The following SLC44A5 variants were observed in gnomAD, a reference collection of about 807,000 sequenced individuals.
The protein encoded by SLC44A5 is choline transporter-like protein 5.
Under a neutral mutation model 101.8 loss-of-function variants are expected in SLC44A5, and 57 were observed. The ratio of observed to expected loss-of-function variants is 0.56; its 90% CI spans 0.45 to 0.70. The LOEUF is 0.70. Ranked by LOEUF, SLC44A5 falls within the 30% of genes least tolerant of loss-of-function variation. SLC44A5 has a pLI of 0.00. For missense variants in SLC44A5, 737 were observed against 853.1 expected (o/e 0.86, Z 1.70); for synonymous variants, 281 against 290.9 (o/e 0.97, Z 0.35).
At chr1:75,647,049 A>G in the SLC44A5 span, among the ~76,000 whole-genome samples, 2 of 152,236 alleles carry the variant, frequency 1.3e-5, no homozygotes, top group African/African-American at 4.8e-5. Context: ...GGCATGTCAG[A>G]GGTCTTCACA....
chr1:75,246,375 A>T (rs556290828), intron 7 of SLC44A5, among the ~76,000 whole-genome samples: 100 of 152,204 alleles, frequency 6.6e-4, no homozygotes, highest in African/African-American at 2.4e-3. Flanking sequence ...AACTAGAAGT[A>T]GGAAGATATT....
At chr1:75,232,547 C>T (rs1557554161) in intron 12 of SLC44A5, among the ~76,000 whole-genome samples, 1 of 152,048 alleles carries the variant, frequency 6.6e-6, no homozygotes, top group Non-Finnish European at 1.5e-5. Flanking sequence ...CAATAAGAAG[C>T]TCAGGTGGGA....
intron 6 of SLC44A5, among the ~76,000 whole-genome samples, chr1:75,267,099 C>A (rs1570518865): frequency 6.6e-6 from 1 of 152,154 alleles, no homozygotes; most frequent in Non-Finnish European, 1.5e-5. Context: ...CTTATTTGCT[C>A]TAGTATATTG....
chr1:75,664,150 A>T, the SLC44A5 span, among the ~76,000 whole-genome samples: 1 of 152,126 alleles, frequency 6.6e-6, no homozygotes, highest in Admixed American at 6.5e-5. Context: ...TATCAAAAGA[A>T]TATACCTCAG....
At chr1:75,450,140 C>G (rs558316296) in intron 2 of SLC44A5, among the ~76,000 whole-genome samples, 2 of 152,124 alleles carry the variant, frequency 1.3e-5, no homozygotes, top group African/African-American at 2.4e-5. Flanking sequence ...AAACTTCCCC[C>G]GTGACACCAA....
the SLC44A5 span, among the ~76,000 whole-genome samples, chr1:75,632,564 C>G: frequency 6.6e-6 from 1 of 152,010 alleles, no homozygotes; most frequent in African/African-American, 2.4e-5. Flanking sequence ...ATTCTAGAAA[C>G]TGCACCTTTT....
the SLC44A5 span, among the ~76,000 whole-genome samples, chr1:75,635,390 C>A: frequency 1.3e-5 from 2 of 151,876 alleles, no homozygotes; most frequent in Admixed American, 6.6e-5. Flanking sequence ...TTCACAATAG[C>A]AAAGACTTGA....
the SLC44A5 span, among the ~76,000 whole-genome samples, chr1:75,634,659 A>T: frequency 2.0e-5 from 3 of 151,158 alleles, no homozygotes; most frequent in African/African-American, 7.3e-5. Flanking sequence ...TACAAAAATG[A>T]ATTCAAGATG....
At chr1:75,376,771 G>A (rs939458298) in intron 3 of SLC44A5, among the ~76,000 whole-genome samples, 26 of 152,174 alleles carry the variant, frequency 1.7e-4, no homozygotes, top group African/African-American at 5.3e-4. Flanking sequence ...AAAGCAGAGC[G>A]CCTCTCCTCC....
chr1:75,299,528 A>G (rs1159786525), intron 5 of SLC44A5, among the ~76,000 whole-genome samples: 1 of 152,188 alleles, frequency 6.6e-6, no homozygotes, highest in Non-Finnish European at 1.5e-5. Flanking sequence ...GCCATTAATT[A>G]TTGGTACTAG....
chr1:75,528,841 A>G (rs1428742029), intron 2 of SLC44A5, among the ~76,000 whole-genome samples: 1 of 152,132 alleles, frequency 6.6e-6, no homozygotes, highest in African/African-American at 2.4e-5. Context: ...GGACCTTTGT[A>G]TACACTGGTT....
At chr1:75,242,114 T>C in intron 8 of SLC44A5, 53 bp from the exon 9 acceptor site, 1 of 1,416,536 alleles carries the variant, frequency 7.1e-7, no homozygotes, top group Non-Finnish European at 9.9e-7. Context: ...ATGATTACTT[T>C]ATACTGAATC....
intron 3 of SLC44A5, among the ~76,000 whole-genome samples, chr1:75,362,447 C>T (rs1659558002): frequency 6.6e-6 from 1 of 151,830 alleles, no homozygotes. Flanking sequence ...CCTTTTAGAA[C>T]TGTTTCTGGG....
intron 3 of SLC44A5, among the ~76,000 whole-genome samples, chr1:75,348,135 C>T (rs1260105983): frequency 6.6e-6 from 1 of 151,922 alleles, no homozygotes; most frequent in Non-Finnish European, 1.5e-5. Flanking sequence ...GCTCCCTTCT[C>T]TCTCTCTCTC....
intron 1 of SLC44A5, among the ~76,000 whole-genome samples, chr1:75,554,010 A>C (rs2101988262): frequency 6.6e-6 from 1 of 152,272 alleles, no homozygotes; most frequent in South Asian, 2.1e-4. Context: ...CACCACAGCC[A>C]CAGCTGGGAT....
intron 5 of SLC44A5, among the ~76,000 whole-genome samples, chr1:75,294,282 C>G (rs577164195): frequency 6.6e-6 from 1 of 152,142 alleles, no homozygotes; most frequent in African/African-American, 2.4e-5. Context: ...ATTAGAACAA[C>G]AGGATGCCTA....
chr1:75,438,508 G>A (rs1665013085), intron 2 of SLC44A5, among the ~76,000 whole-genome samples: 2 of 152,010 alleles, frequency 1.3e-5, no homozygotes, highest in Admixed American at 6.6e-5. Flanking sequence ...ACCTAAGTAG[G>A]GAGCACTGTG....
intron 4 of SLC44A5, among the ~76,000 whole-genome samples, chr1:75,329,569 T>A (rs1170038491): frequency 6.6e-6 from 1 of 152,170 alleles, no homozygotes; most frequent in Non-Finnish European, 1.5e-5. Context: ...AATTTTAAGT[T>A]TATTGGGAGC....
chr1:75,704,242 G>C, the SLC44A5 span, among the ~76,000 whole-genome samples: 2 of 152,094 alleles, frequency 1.3e-5, no homozygotes, highest in Non-Finnish European at 2.9e-5. Flanking sequence ...TATTAATATA[G>C]TCAATTGTTA....
Sources: gnomAD v4.1 joint callset for allele counts (sites outside exome capture counted in the v4.1 genomes callset) on GRCh38, gnomAD v4.1.1 for gene constraint, MANE v1.5 for transcripts, NCBI Gene and HGNC (gene_info 2026-07-23, HGNC 2026-07-21) for gene names.